The following WWOX variants were observed in gnomAD, a reference collection of about 807,000 sequenced individuals.
WWOX encodes the protein WW domain containing oxidoreductase, also known as WW domain-containing oxidoreductase.
Under a neutral mutation model 46.2 loss-of-function variants are expected in WWOX, and 69 were observed. That is an observed-to-expected ratio of 1.49 (90% confidence interval 1.23 to 1.82). WWOX has a LOEUF of 1.82. WWOX is among the 40% of genes most tolerant of loss of function. The pLI is 0.00. For missense variants in WWOX, 919 were observed against 542.6 expected (o/e 1.69, Z -6.89); for synonymous variants, 359 against 202.6 (o/e 1.77, Z -6.56).
intron 8 of WWOX, among the ~76,000 whole-genome samples, chr16:78,620,709 G>A (rs1177495859): frequency 6.7e-6 from 1 of 150,346 alleles, no homozygotes; most frequent in South Asian, 2.1e-4. Flanking sequence ...TTTCCTTTTT[G>A]CACAGCGATG....
At chr16:78,939,191 A>C (rs12598030) in intron 8 of WWOX, among the ~76,000 whole-genome samples, 1 of 151,836 alleles carries the variant, frequency 6.6e-6, no homozygotes, top group African/African-American at 2.4e-5. Flanking sequence ...TTATATAATC[A>C]TCAACGTATA....
chr16:78,633,741 C>T (rs757856108), intron 8 of WWOX, among the ~76,000 whole-genome samples: 24 of 152,170 alleles, frequency 1.6e-4, no homozygotes, highest in Non-Finnish European at 2.8e-4. Context: ...CTTTCTTCTC[C>T]GACTTATGTA....
chr16:78,936,764 TAAAA>T (rs75330316), intron 8 of WWOX, among the ~76,000 whole-genome samples: 1 of 151,274 alleles, frequency 6.6e-6, no homozygotes, highest in East Asian at 1.9e-4. Context: ...ATGAGTTAAG[TAAAA>T]AAAAAGTCAG....
intron 5 of WWOX, among the ~76,000 whole-genome samples, chr16:78,360,335 C>T (rs60150037): frequency 0.077 from 11,685 of 152,094 alleles, 830 homozygotes; most frequent in Admixed American, 0.2. Context: ...CCTGTAATCC[C>T]AGCACTTTGG....
At chr16:78,496,901 C>G (rs2084931583) in intron 8 of WWOX, among the ~76,000 whole-genome samples, 2 of 152,196 alleles carry the variant, frequency 1.3e-5, no homozygotes, top group African/African-American at 4.8e-5. Flanking sequence ...AGCCAGATGG[C>G]CTTGCTCATT....
intron 8 of WWOX, among the ~76,000 whole-genome samples, chr16:78,562,731 A>G (rs914181044): frequency 2.0e-5 from 3 of 152,170 alleles, no homozygotes; most frequent in African/African-American, 7.2e-5. Context: ...ATGGAGGTGA[A>G]AGCATGCAAG....
intron 8 of WWOX, among the ~76,000 whole-genome samples, chr16:78,983,436 A>T (rs1410708150): frequency 6.6e-6 from 1 of 152,238 alleles, no homozygotes; most frequent in African/African-American, 2.4e-5. Context: ...GTATTTATCC[A>T]TAAAACTGAA....
intron 6 of WWOX, among the ~76,000 whole-genome samples, chr16:78,422,510 C>A (rs1265732627): frequency 1.3e-5 from 2 of 150,030 alleles, no homozygotes; most frequent in African/African-American, 4.9e-5. Context: ...ACACCTGGCT[C>A]ACTTTCGGGT....
chr16:78,234,648 A>G (rs2037378488), intron 5 of WWOX, among the ~76,000 whole-genome samples: 1 of 152,218 alleles, frequency 6.6e-6, no homozygotes, highest in Non-Finnish European at 1.5e-5. Flanking sequence ...CAAAATGCTA[A>G]TAATTCTTCC....
chr16:78,298,082 C>T (rs76152941), intron 5 of WWOX, among the ~76,000 whole-genome samples: 2,823 of 152,250 alleles, frequency 0.019, 99 homozygotes, highest in African/African-American at 0.064. Flanking sequence ...TTCTTGCCAC[C>T]AGGTGAGGAA....
At chr16:78,787,819 G>C (rs1396541283) in intron 8 of WWOX, among the ~76,000 whole-genome samples, 4 of 152,018 alleles carry the variant, frequency 2.6e-5, no homozygotes, top group African/African-American at 4.8e-5. Flanking sequence ...CCACATCCTT[G>C]CCAACACTTT....
rs2151563700 is a variant in WWOX, at chr16:78,564,675, T to C, written c.1056+131923T>C. On this transcript the variant is annotated intron_variant, in intron 8 of 8. Transcript: ENST00000566780. Reference sequence around the variant, plus strand: ...TTCTTTTATCTGGCCACTCGGGAGCTCAAAAATAAATTTCTGGCACCCTTC... The same window carrying C: ...TTCTTTTATCTGGCCACTCGGGAGCCCAAAAATAAATTTCTGGCACCCTTC... Among the ~76,000 whole-genome samples the C allele has an allele frequency of 1.3e-5, 2 of 152,252 alleles. 1 individual carries two copies. The highest frequency in any genetic ancestry group is 6.8e-3 in the Middle Eastern group (2 of 294).
intron 8 of WWOX, among the ~76,000 whole-genome samples, chr16:79,156,929 A>C (rs143533721): frequency 1.3e-5 from 2 of 152,204 alleles, no homozygotes; most frequent in Non-Finnish European, 2.9e-5. Flanking sequence ...GATTTACAAT[A>C]TGTGAATTAT....
intron 8 of WWOX, among the ~76,000 whole-genome samples, chr16:78,808,928 G>A (rs1169909579): frequency 6.6e-6 from 1 of 152,134 alleles, no homozygotes; most frequent in African/African-American, 2.4e-5. Flanking sequence ...TGCCAATGCT[G>A]CTATTAGGGG....
At chr16:78,443,355 T>A (rs1274313147) in intron 8 of WWOX, among the ~76,000 whole-genome samples, 1 of 152,016 alleles carries the variant, frequency 6.6e-6, no homozygotes, top group Admixed American at 6.6e-5. Flanking sequence ...CAGGAACCAC[T>A]AAGACAGATT....
At chr16:78,629,159 A>T (rs762758253) in intron 8 of WWOX, among the ~76,000 whole-genome samples, 6 of 152,062 alleles carry the variant, frequency 3.9e-5, no homozygotes, top group Non-Finnish European at 5.9e-5. Flanking sequence ...TCGCATTCCC[A>T]TGTTGGAGTT....
chr16:78,328,216 A>G (rs1403196687), intron 5 of WWOX, among the ~76,000 whole-genome samples: 1 of 152,100 alleles, frequency 6.6e-6, no homozygotes. Context: ...TGTAACTCAA[A>G]TTCCCGAACC....
At chr16:79,205,355 G>A (rs971821315) in intron 8 of WWOX, 2 of 152,236 alleles carry the variant, frequency 1.3e-5, no homozygotes, top group Non-Finnish European at 2.9e-5. Flanking sequence ...AGAGGCAACT[G>A]AAAAGGAGCC....
chr16:79,077,807 T>TA (rs2048687026), intron 8 of WWOX: 1 of 152,176 alleles, frequency 6.6e-6, no homozygotes, highest in Non-Finnish European at 1.5e-5. Context: ...AGATTGAAGT[T>TA]TGTATTCTCC....
Sources: allele counts gnomAD v4.1 joint callset (sites outside exome capture counted in the v4.1 genomes callset), GRCh38; gene constraint gnomAD v4.1.1; transcripts MANE v1.5; gene names NCBI Gene and HGNC (gene_info 2026-07-23, HGNC 2026-07-21).